The following ARID1B variants were observed in gnomAD, a reference collection of about 807,000 sequenced individuals.
ARID1B encodes AT-rich interactive domain-containing protein 1B.
ARID1B carries 30 observed loss-of-function variants against 212.3 expected under a neutral mutation model. The ratio of observed to expected loss-of-function variants is 0.14; its 90% confidence interval spans 0.11 to 0.19. The LOEUF is 0.19. Ranked by LOEUF, ARID1B falls within the 10% of genes least tolerant of loss-of-function variation. The probability of loss-of-function intolerance (pLI) is 1.00; values close to 1 mark genes in which losing one functional copy is unlikely to be tolerated. For synonymous variants in ARID1B, 1,402 were observed against 1,301.7 expected (o/e 1.08, Z -1.66); for missense variants, 2,891 against 3,204.0 (o/e 0.90, Z 2.36).
At chr6:156,940,945 G>A (rs1157158748) in intron 4 of ARID1B, 2 of 152,164 alleles carry the variant, frequency 1.3e-5, no homozygotes, top group African/African-American at 2.4e-5. Context: ...TTAGGTGTAT[G>A]GCTATTGAAT....
intron 12 of ARID1B, 86 bp downstream of exon 12, chr6:157,181,264 T>G: frequency 6.7e-7 from 1 of 1,482,704 alleles, no homozygotes; most frequent in Non-Finnish European, 9.2e-7. Context: ...TGGACTCATT[T>G]TTTTTCTCAC....
intron 5 of ARID1B, among the ~76,000 whole-genome samples, chr6:157,091,463 A>C (rs1346147735): frequency 6.6e-6 from 1 of 152,154 alleles, no homozygotes; most frequent in Non-Finnish European, 1.5e-5. Flanking sequence ...TGGTCAAAAA[A>C]CTAATTTTCT....
At chr6:157,103,377 A>G (rs1786223058) in intron 5 of ARID1B, among the ~76,000 whole-genome samples, 1 of 152,240 alleles carries the variant, frequency 6.6e-6, no homozygotes, top group African/African-American at 2.4e-5. Flanking sequence ...AGTTGAGACA[A>G]TGAACGGAAT....
chr6:157,026,956 T>C (rs1310976234), intron 4 of ARID1B, among the ~76,000 whole-genome samples: 1 of 152,226 alleles, frequency 6.6e-6, no homozygotes, highest in East Asian at 1.9e-4. Context: ...CTCAGTTTCC[T>C]TCCCATGTAA....
intron 4 of ARID1B, among the ~76,000 whole-genome samples, chr6:157,013,005 G>C (rs1001583666): frequency 6.6e-6 from 1 of 152,112 alleles, no homozygotes; most frequent in African/African-American, 2.4e-5. Context: ...TCAGCCTCTC[G>C]AGTAGCTGGG....
chr6:156,809,713 GAAAAA>G (rs370188789), intron 1 of ARID1B, among the ~76,000 whole-genome samples: 9 of 104,464 alleles, frequency 8.6e-5, no homozygotes, highest in Non-Finnish European at 1.1e-4. Flanking sequence ...CTTTTTCAAA[GAAAAA>G]AAAAAAAAAA....
At chr6:157,156,262 T>C (rs1420464010) in intron 8 of ARID1B, among the ~76,000 whole-genome samples, 1 of 152,214 alleles carries the variant, frequency 6.6e-6, no homozygotes, top group Non-Finnish European at 1.5e-5. Context: ...GTCATGTTAT[T>C]GAAAGACAAA....
chr6:156,844,130 A>G (rs889271339), intron 2 of ARID1B, among the ~76,000 whole-genome samples: 2 of 152,378 alleles, frequency 1.3e-5, no homozygotes, highest in Middle Eastern at 3.4e-3. Flanking sequence ...CATAGAATCA[A>G]GCTTTCTCCC....
intron 15 of ARID1B, 46 bp from the exon 16 acceptor site, chr6:157,196,119 C>CT: frequency 6.3e-7 from 1 of 1,599,210 alleles, no homozygotes; most frequent in Non-Finnish European, 8.5e-7. Flanking sequence ...GGGCCTTTGA[C>CT]TTTCAGAAAT....
intron 2 of ARID1B, among the ~76,000 whole-genome samples, chr6:156,839,739 T>TA (rs1268296510): frequency 6.6e-6 from 1 of 152,178 alleles, no homozygotes; most frequent in Non-Finnish European, 1.5e-5. Flanking sequence ...TCACTGCACA[T>TA]ACGCAGCAGG....
chr6:156,803,248 G>A (rs1780914545), intron 1 of ARID1B, among the ~76,000 whole-genome samples: 1 of 152,142 alleles, frequency 6.6e-6, no homozygotes, highest in Admixed American at 6.5e-5. Context: ...GAAGATTTAA[G>A]AGCCAACATT....
intron 4 of ARID1B, among the ~76,000 whole-genome samples, chr6:156,961,362 G>T (rs537998838): frequency 1.3e-5 from 2 of 152,356 alleles, no homozygotes; most frequent in South Asian, 4.1e-4. Context: ...TAATTTTGGA[G>T]AGTAAAATGA....
intron 7 of ARID1B, among the ~76,000 whole-genome samples, chr6:157,145,791 G>A (rs1789684463): frequency 6.6e-6 from 1 of 152,142 alleles, no homozygotes; most frequent in African/African-American, 2.4e-5. Flanking sequence ...GTGACCATGG[G>A]ACATTTGTTG....
At chr6:156,972,396 C>T (rs1039096741) in intron 4 of ARID1B, among the ~76,000 whole-genome samples, 2 of 152,166 alleles carry the variant, frequency 1.3e-5, no homozygotes, top group South Asian at 2.1e-4. Context: ...ACGAGCTGTC[C>T]ACTTTATCCC....
intron 5 of ARID1B, among the ~76,000 whole-genome samples, chr6:157,089,294 C>G (rs921619165): frequency 3.3e-5 from 5 of 152,218 alleles, no homozygotes; most frequent in African/African-American, 1.2e-4. Flanking sequence ...CCCAGTAAAG[C>G]ATCCCAAATG....
chr6:156,968,171 A>G (rs1794903333), intron 4 of ARID1B, among the ~76,000 whole-genome samples: 1 of 152,200 alleles, frequency 6.6e-6, no homozygotes, highest in African/African-American at 2.4e-5. Context: ...CTGGGAAATG[A>G]TTATTGTAAA....
intron 8 of ARID1B, among the ~76,000 whole-genome samples, chr6:157,156,670 C>T (rs895507434): frequency 1.1e-4 from 17 of 152,186 alleles, no homozygotes; most frequent in Admixed American, 4.6e-4. Flanking sequence ...TTTCGACAGC[C>T]GCTGTACACC....
chr6:157,088,444 T>TG (rs896372816), intron 5 of ARID1B, among the ~76,000 whole-genome samples: 2 of 152,288 alleles, frequency 1.3e-5, no homozygotes, highest in Admixed American at 1.3e-4. Flanking sequence ...AGGTTTTTGT[T>TG]GGGGAAAAAA....
intron 4 of ARID1B, among the ~76,000 whole-genome samples, chr6:157,062,708 T>TATATA: frequency 1.3e-5 from 1 of 77,724 alleles, no homozygotes; most frequent in East Asian, 2.2e-4. Context: ...ATATATATAT[T>TATATA]TTTTTTTTTT....
Sources: gnomAD v4.1 joint callset for allele counts (sites outside exome capture counted in the v4.1 genomes callset) on GRCh38, gnomAD v4.1.1 for gene constraint, MANE v1.5 for transcripts, NCBI Gene and HGNC (gene_info 2026-07-23, HGNC 2026-07-21) for gene names.